Variants in PAPOLA observed in about 807,000 individuals in gnomAD.
The protein encoded by PAPOLA is poly(A) polymerase alpha, also known as polynucleotide adenylyltransferase alpha.
A neutral mutation model predicts 100.6 loss-of-function variants in PAPOLA; 15 were observed. The observed-to-expected ratio is 0.15, with a 90% CI of 0.10 to 0.23. The LOEUF (loss-of-function observed/expected upper bound fraction) is 0.23, where lower values mean the gene tolerates loss of function less well. PAPOLA is among the 10% of genes least tolerant of loss of function. The pLI is 1.00. For missense variants in PAPOLA, 533 were observed against 884.2 expected (o/e 0.60, Z 5.04); for synonymous variants, 293 against 300.0 (o/e 0.98, Z 0.24).
intron 12 of PAPOLA, among the ~76,000 whole-genome samples, chr14:96,538,281 T>A (rs1899699154): frequency 6.6e-6 from 1 of 152,010 alleles, no homozygotes; most frequent in Non-Finnish European, 1.5e-5. Flanking sequence ...ATTCAAACTT[T>A]GTTCTATTCA....
In PAPOLA at chr14:96,502,583, G is replaced by A. The variant is rs1232047022; in HGVS notation, c.-10G>A. On this transcript the variant is annotated 5_prime_UTR_variant, in exon 1 of 22. Transcript: ENST00000216277. ...GGGGAAGTGACTGGGCGGTGCCGGCGCCGGAGACGATGCCGTTGTAAGTAA... is the reference window on the plus strand; with the variant it reads ...GGGGAAGTGACTGGGCGGTGCCGGCACCGGAGACGATGCCGTTGTAAGTAA... The A allele has an allele frequency of 1.3e-6, 2 of 1,564,372 alleles. No homozygotes were observed. Among genetic ancestry groups the A allele is most frequent in the Non-Finnish European group, 1.7e-6 (2 of 1,155,090 alleles).
intron 1 of PAPOLA, among the ~76,000 whole-genome samples, chr14:96,509,965 C>CTTTTTTTTTTTT (rs11372552): frequency 2.4e-5 from 2 of 84,424 alleles, no homozygotes; most frequent in African/African-American, 4.6e-5. Flanking sequence ...GTGGGAGTTG[C>CTTTTTTTTTTTT]TTTTTTTTTT....
intron 1 of PAPOLA, among the ~76,000 whole-genome samples, chr14:96,506,375 CA>C (rs1239139796): frequency 1.3e-5 from 2 of 152,126 alleles, no homozygotes; most frequent in Non-Finnish European, 2.9e-5. Context: ...TTTTGAGGAG[CA>C]CTTGTATGTT....
intron 6 of PAPOLA, among the ~76,000 whole-genome samples, chr14:96,531,226 C>T (rs1898989157): frequency 6.6e-6 from 1 of 151,978 alleles, no homozygotes; most frequent in African/African-American, 2.4e-5. Flanking sequence ...TGGTCTCGAT[C>T]TCCTGACCTC....
intron 19 of PAPOLA, among the ~76,000 whole-genome samples, chr14:96,557,509 A>G (rs1384797209): frequency 6.6e-6 from 1 of 151,412 alleles, no homozygotes; most frequent in Non-Finnish European, 1.5e-5. Context: ...TTGTTTTCCA[A>G]TCAGTGAGGC....
At chr14:96,523,133 AG>A (rs1745014507) in intron 3 of PAPOLA, among the ~76,000 whole-genome samples, 5 of 149,674 alleles carry the variant, frequency 3.3e-5, no homozygotes, top group Admixed American at 3.3e-4. Flanking sequence ...ATAGAAAATA[AG>A]ATTTTTTTTT....
intron 1 of PAPOLA, among the ~76,000 whole-genome samples, chr14:96,509,965 C>CTTTTTTTTTT (rs11372552): frequency 1.2e-5 from 1 of 84,424 alleles, no homozygotes; most frequent in South Asian, 4.1e-4. Flanking sequence ...GTGGGAGTTG[C>CTTTTTTTTTT]TTTTTTTTTT....
chr14:96,520,245 T>C lies in PAPOLA; in HGVS notation c.182+17T>C. ...GCAGCGCAGGTAAATAGATATTCTA[T>C]ATTTTTTTAACTCGGAAACTTTTAT... On this transcript the variant is annotated intron_variant, in intron 2 of 21. Transcript: ENST00000216277. The C allele has an allele frequency of 6.3e-7, 1 of 1,580,048 alleles. No individual in the cohort carries two copies.
At chr14:96,538,977 G>C (rs967216235) in intron 12 of PAPOLA, among the ~76,000 whole-genome samples, 1 of 152,020 alleles carries the variant, frequency 6.6e-6, no homozygotes, top group Non-Finnish European at 1.5e-5. Flanking sequence ...GAAAAATCTC[G>C]TTTGTTTTAA....
intron 19 of PAPOLA, among the ~76,000 whole-genome samples, chr14:96,556,845 A>G (rs1901383842): frequency 6.6e-6 from 1 of 152,206 alleles, no homozygotes; most frequent in Non-Finnish European, 1.5e-5. Context: ...ATCAAATACC[A>G]GAGGTTCTCA....
chr14:96,511,377 A>G (rs979898634), intron 1 of PAPOLA, among the ~76,000 whole-genome samples: 2 of 152,298 alleles, frequency 1.3e-5, no homozygotes, highest in East Asian at 1.9e-4. Flanking sequence ...CCTGGGCAAC[A>G]TAGTGAGATC....
At chr14:96,511,881 T>G (rs946716093) in intron 1 of PAPOLA, among the ~76,000 whole-genome samples, 7 of 152,248 alleles carry the variant, frequency 4.6e-5, no homozygotes, top group African/African-American at 1.4e-4. Flanking sequence ...TGCTTTGGAT[T>G]TACTATTTCT....
At chr14:96,509,028 C>T (rs950469724) in intron 1 of PAPOLA, among the ~76,000 whole-genome samples, 1 of 152,114 alleles carries the variant, frequency 6.6e-6, no homozygotes, top group Non-Finnish European at 1.5e-5. Context: ...GTGGTTAGCT[C>T]AGTTGGAGTC....
rs931349861 is a variant in PAPOLA, at chr14:96,560,387, T to C, written c.2005-262T>C. 3.0e-5 allele frequency: 10 copies of C among 329,598 alleles called. No individual in the cohort carries two copies. In the East Asian group the frequency reaches 5.8e-4, roughly 19 times the overall value. 20.4% of individuals were successfully genotyped at this position (329,598 alleles called of 1,614,324 possible). On this transcript the variant is annotated intron_variant, in intron 19 of 21. Transcript: ENST00000216277. ...TTACAAAATATATTTCTATGAACTC[T>C]TAGTGGTTTTGGAAATGTACTTTAG...
chr14:96,542,898 G>A lies in PAPOLA; in HGVS notation c.1289+5G>A. The A allele has an allele frequency of 6.2e-7, 1 of 1,609,202 alleles. No individual in the cohort carries two copies. On this transcript the variant is annotated splice_donor_5th_base_variant and intron_variant, in intron 14 of 21. Coordinates refer to ENST00000216277, the MANE Select transcript of PAPOLA (RefSeq NM_032632.5). ...ACCCAAAGAAAATCCCGACAAGTAAGCCCTTTTCTAATTTAATTTCTTCTT... is the reference window on the plus strand; with the variant it reads ...ACCCAAAGAAAATCCCGACAAGTAAACCCTTTTCTAATTTAATTTCTTCTT...
chr14:96,516,020 C>G (rs1374558367), intron 1 of PAPOLA, among the ~76,000 whole-genome samples: 1 of 152,044 alleles, frequency 6.6e-6, no homozygotes, highest in African/African-American at 2.4e-5. Flanking sequence ...TTCCAAATTG[C>G]CCAATATTGG....
In PAPOLA at chr14:96,527,554, G is replaced by T; in HGVS notation, c.441+15G>T. 1.6e-6 allele frequency: 2 copies of T among 1,247,344 alleles called. No homozygotes were observed. The highest frequency in any genetic ancestry group is 2.3e-5 in the East Asian group (1 of 43,172). 77.3% of individuals were successfully genotyped at this position (1,247,344 alleles called of 1,614,324 possible). A position where few individuals can be genotyped will look rare whatever the true frequency, so the allele number is the denominator to read the frequency against. On this transcript the variant is annotated intron_variant, in intron 5 of 21. Transcript: ENST00000216277. ...AAGATTTAAGAGTGCGTAAATGTTC[G>T]GGGTGAAATGGGATGAGTTATGAAC... is the stretch of plus-strand genomic sequence containing the variant.
chr14:96,524,433 A>G (rs909939284), intron 3 of PAPOLA, among the ~76,000 whole-genome samples: 1 of 152,124 alleles, frequency 6.6e-6, no homozygotes, highest in Non-Finnish European at 1.5e-5. Context: ...AAACTAAGCA[A>G]TTATTTACCA....
chr14:96,525,333 A>G lies in PAPOLA; in HGVS notation c.273A>G (p.Glu91=). 6.6e-7 allele frequency: 1 copy of G among 1,522,118 alleles called. No individual in the cohort carries two copies. The highest frequency in any genetic ancestry group is 9.0e-7 in the Non-Finnish European group (1 of 1,106,132). 94.3% of individuals were successfully genotyped at this position (1,522,118 alleles called of 1,614,324 possible). A position where few individuals can be genotyped will look rare whatever the true frequency, so the allele number is the denominator to read the frequency against. ...AGAATCTTCCACAATCTGTAATTGA[A>G]AATGTTGGAGGAAAAATTTTTACAT... The part of the protein sequence containing the change: ...ESKNLPQSVI[E]NVGGKIFTFG... Residue 91 remains glutamate (E), a synonymous_variant, in exon 4 of 22, where the codon GAA becomes GAG. Coordinates refer to ENST00000216277, the MANE Select transcript of PAPOLA (RefSeq NM_032632.5).
Sources: allele counts gnomAD v4.1 joint callset (sites outside exome capture counted in the v4.1 genomes callset), GRCh38; gene constraint gnomAD v4.1.1; transcripts MANE v1.5; gene names NCBI Gene and HGNC (gene_info 2026-07-23, HGNC 2026-07-21).